FNDC3B: variants seen among roughly 807,000 people sequenced by gnomAD.
FNDC3B encodes the protein fibronectin type III domain containing 3B.
In FNDC3B, 12 loss-of-function variants were observed where a neutral mutation model predicts 151.5. The ratio of observed to expected loss-of-function variants is 0.08; its 90% CI spans 0.05 to 0.13. The LOEUF (loss-of-function observed/expected upper bound fraction) is 0.13. Ranked by LOEUF, FNDC3B falls within the 10% of genes least tolerant of loss-of-function variation. The pLI is 1.00. For missense variants in FNDC3B, 1,214 were observed against 1,505.3 expected, an observed-to-expected ratio of 0.81 and a Z score of 3.20; for synonymous variants, 528 against 549.0, an observed-to-expected ratio of 0.96 and a Z score of 0.54.
At chr3:172,194,141 A>C (rs1034598333) in intron 3 of FNDC3B, among the ~76,000 whole-genome samples, 1 of 151,928 alleles carries the variant, frequency 6.6e-6, no homozygotes, top group African/African-American at 2.4e-5. Context: ...AACGGCGTGA[A>C]CCCGGGGGGC....
chr3:172,365,947 A>G (rs1027262996), intron 23 of FNDC3B, among the ~76,000 whole-genome samples: 1 of 152,230 alleles, frequency 6.6e-6, no homozygotes, highest in African/African-American at 2.4e-5. Flanking sequence ...GGGTTAAACT[A>G]GAAGACGATC....
chr3:172,367,971 T>C (rs1734710578), intron 23 of FNDC3B, among the ~76,000 whole-genome samples: 1 of 152,156 alleles, frequency 6.6e-6, no homozygotes. Context: ...CTTTGTCATG[T>C]TTACAGGGAG....
chr3:172,055,929 C>T (rs776004360), intron 1 of FNDC3B, among the ~76,000 whole-genome samples: 15 of 152,048 alleles, frequency 9.9e-5, no homozygotes, highest in African/African-American at 3.6e-4. Flanking sequence ...TATAGGCGCC[C>T]GCCACCACGC....
At chr3:172,191,774 G>A (rs558299740) in intron 3 of FNDC3B, among the ~76,000 whole-genome samples, 6 of 152,280 alleles carry the variant, frequency 3.9e-5, no homozygotes, top group African/African-American at 7.2e-5. Context: ...GTGAGCCACC[G>A]TGCCTGGCCT....
Position 172,143,908 on chromosome 3 carries a change from AAAATAAATAAATAAATAAAT to A in FNDC3B, c.187+10388_187+10407del, listed in dbSNP as rs60080346. Among the ~76,000 whole-genome samples the A allele has an allele frequency of 2.0e-4, 29 of 142,040 alleles. No homozygotes were observed. In the East Asian group the frequency reaches 4.1e-3, roughly 20 times the overall value. 93.2% of individuals were successfully genotyped at this position (142,040 alleles called of 152,430 possible). ...TGGTGACAGAGTGAGCCTCCATCTC[AAAATAAATAAATAAATAAAT>A]AAATAAATAAATAAATAAATAAATA... On this transcript the variant is annotated intron_variant, in intron 3 of 25. Coordinates refer to ENST00000415807, the MANE Select transcript of FNDC3B (RefSeq NM_022763.4).
At chr3:172,093,448 A>C (rs531665474) in intron 1 of FNDC3B, among the ~76,000 whole-genome samples, 369 of 151,756 alleles carry the variant, frequency 2.4e-3, no homozygotes, top group African/African-American at 7.7e-3. Flanking sequence ...TTAGTAGAGA[A>C]GGGGTTTCAT....
chr3:172,238,632 G>T (rs948687184), intron 4 of FNDC3B, among the ~76,000 whole-genome samples: 1 of 152,150 alleles, frequency 6.6e-6, no homozygotes, highest in Non-Finnish European at 1.5e-5. Flanking sequence ...TGGCTAGGGT[G>T]GGTACAGACC....
At chr3:172,122,690 C>T (rs1720610968) in intron 2 of FNDC3B, among the ~76,000 whole-genome samples, 1 of 152,184 alleles carries the variant, frequency 6.6e-6, no homozygotes, top group Non-Finnish European at 1.5e-5. Flanking sequence ...ATAATTTGGC[C>T]CTCCCTTCCT....
intron 23 of FNDC3B, among the ~76,000 whole-genome samples, chr3:172,368,672 T>C (rs1734745636): frequency 6.6e-6 from 1 of 152,190 alleles, no homozygotes; most frequent in Non-Finnish European, 1.5e-5. Context: ...ATGCAAATAA[T>C]GATAGCTGTC....
chr3:172,190,802 G>A (rs1022357555), intron 3 of FNDC3B, among the ~76,000 whole-genome samples: 12 of 152,164 alleles, frequency 7.9e-5, no homozygotes, highest in Admixed American at 2.6e-4. Context: ...CCAAGTAGCT[G>A]GGATTACAGG....
rs1353784129 is a variant in FNDC3B, at chr3:172,040,997, A to G, written c.-29+1226A>G. 6.6e-6 allele frequency among the ~76,000 whole-genome samples: 1 copy of G among 152,196 alleles called. No individual in the cohort carries two copies. The highest frequency in any genetic ancestry group is 1.5e-5 in the Non-Finnish European group (1 of 68,016). On this transcript the variant is annotated intron_variant, in intron 1 of 25. Coordinates refer to ENST00000415807, the MANE Select transcript of FNDC3B (RefSeq NM_022763.4). The surrounding 1 kb of genome is among the most constrained non-coding windows in gnomAD (Gnocchi z 6.6). ...ATCCCAGACGAAGGGAAGCAATGGC[A>G]TTTTATCCAGACAGTGCCGTTTGCA...
intron 9 of FNDC3B, among the ~76,000 whole-genome samples, chr3:172,305,069 G>A (rs938539694): frequency 1.3e-5 from 2 of 152,180 alleles, no homozygotes; most frequent in Admixed American, 6.5e-5. Context: ...AGTTTAGATA[G>A]TAGTAGTTTA....
intron 2 of FNDC3B, among the ~76,000 whole-genome samples, chr3:172,116,950 TG>T (rs1005234847): frequency 7.2e-5 from 11 of 152,258 alleles, no homozygotes; most frequent in African/African-American, 2.7e-4. Flanking sequence ...TTTTACTGCA[TG>T]GATCTACCAC....
intron 3 of FNDC3B, 102 bp from the exon 4 acceptor site, chr3:172,226,767 CAA>C (rs1726605749): frequency 2.7e-6 from 2 of 743,412 alleles, no homozygotes; most frequent in Admixed American, 2.1e-5. Flanking sequence ...AGCAAATTGT[CAA>C]AGTCATTAAT....
At chr3:172,364,168 G>A (rs1482237029) in intron 23 of FNDC3B, among the ~76,000 whole-genome samples, 1 of 152,144 alleles carries the variant, frequency 6.6e-6, no homozygotes, top group East Asian at 1.9e-4. Context: ...TGCTATATGT[G>A]CCTTCGGATG....
At chr3:172,362,610 T>G in intron 22 of FNDC3B, 23 bp from the exon 23 acceptor site, 1 of 1,530,886 alleles carries the variant, frequency 6.5e-7, no homozygotes, top group Non-Finnish European at 9.1e-7. Flanking sequence ...GCATTGTCTG[T>G]ATTTTTTTTT....
Position 172,277,062 on chromosome 3 carries a change from G to T in FNDC3B, c.791-8864G>T, listed in dbSNP as rs189690399. ...TGTAGGAGAAGCTCCTTGTTCTCAG[G>T]AAAGAAATGCTGAAGTTTTGGGGGT... On this transcript the variant is annotated intron_variant, in intron 6 of 25. Coordinates refer to ENST00000415807, the MANE Select transcript of FNDC3B (RefSeq NM_022763.4). Among the ~76,000 whole-genome samples, 15 of 152,232 alleles carry T rather than the reference G, an allele frequency of 9.9e-5. No individual in the cohort carries two copies. In the East Asian group the frequency reaches 2.9e-3, roughly 29 times the overall value.
At chr3:172,330,065 A>G (rs959369997) in intron 12 of FNDC3B, 1 of 152,586 alleles carries the variant, frequency 6.6e-6, no homozygotes, top group Non-Finnish European at 1.5e-5. Flanking sequence ...ATTCTTAAGT[A>G]CAATTGTCCT....
intron 6 of FNDC3B, among the ~76,000 whole-genome samples, chr3:172,251,912 T>A (rs1454554337): frequency 6.6e-6 from 1 of 152,254 alleles, no homozygotes; most frequent in Non-Finnish European, 1.5e-5. Context: ...AATCTCAAAA[T>A]AATTATACCT....
Sources: gnomAD v4.1 joint callset for allele counts (sites outside exome capture counted in the v4.1 genomes callset) on GRCh38, gnomAD v4.1.1 for gene constraint, Gnocchi (gnomAD v3.1) non-coding constraint, MANE v1.5 for transcripts, NCBI Gene and HGNC (gene_info 2026-07-23, HGNC 2026-07-21) for gene names.